The following MAD1L1 variants were observed in gnomAD, a reference collection of about 807,000 sequenced individuals.
The protein encoded by MAD1L1 is mitotic spindle assembly checkpoint protein MAD1.
In MAD1L1, 95 loss-of-function variants were observed where a neutral mutation model predicts 96.9. That is an observed-to-expected ratio of 0.98 (90% CI 0.83 to 1.16). The LOEUF (loss-of-function observed/expected upper bound fraction) is 1.16, where lower values mean the gene tolerates loss of function less well. Among genes scored for constraint, MAD1L1 ranks in the 50% most tolerant of loss-of-function variants. The pLI, the probability that MAD1L1 is intolerant of heterozygous loss-of-function variation, is 0.00. For synonymous variants in MAD1L1, 473 were observed against 396.6 expected (o/e 1.19, Z -2.29); for missense variants, 1,007 against 954.4 (o/e 1.06, Z -0.73).
intron 10 of MAD1L1, among the ~76,000 whole-genome samples, chr7:2,166,896 C>T (rs1031247323): frequency 6.6e-6 from 1 of 152,228 alleles, no homozygotes; most frequent in Non-Finnish European, 1.5e-5. Flanking sequence ...CACCACTACA[C>T]ACCTGGGCGG....
chr7:2,080,516 A>AACCC (rs1463917029), intron 11 of MAD1L1, among the ~76,000 whole-genome samples: 2 of 140,550 alleles, frequency 1.4e-5, no homozygotes, highest in Admixed American at 7.0e-5. Flanking sequence ...CCTCTGACTA[A>AACCC]ACCCACCCAC....
intron 18 of MAD1L1, among the ~76,000 whole-genome samples, chr7:1,822,982 G>A (rs1408805469): frequency 1.3e-5 from 2 of 152,052 alleles, no homozygotes; most frequent in Non-Finnish European, 2.9e-5. Flanking sequence ...CTTTCTAACA[G>A]AGAATATTAT....
At chr7:2,216,663 C>T (rs1400658863) in intron 7 of MAD1L1, among the ~76,000 whole-genome samples, 1 of 152,184 alleles carries the variant, frequency 6.6e-6, no homozygotes, top group Non-Finnish European at 1.5e-5. Flanking sequence ...ACACGTGCTC[C>T]ACTCTACCAG....
Position 2,146,007 on chromosome 7 carries a change from A to G in MAD1L1, c.1073+3145T>C, listed in dbSNP as rs935470717. 3.3e-5 allele frequency among the ~76,000 whole-genome samples: 5 copies of G among 152,204 alleles called. No individual in the cohort carries two copies. Among genetic ancestry groups the G allele is most frequent in the African/African-American group, 1.2e-4 (5 of 41,444 alleles). On this transcript the variant is annotated intron_variant, in intron 11 of 18. Transcript: ENST00000265854. This position sits in a 1 kb window ranked among gnomAD's most constrained non-coding sequence, Gnocchi z 6.2. ...TCTGTTCCGCACATCAGATCAGCAG[A>G]GAAGGAAAGTTACACAACACCCAGG... is the stretch of plus-strand genomic sequence containing the variant.
intron 10 of MAD1L1, among the ~76,000 whole-genome samples, chr7:2,195,491 T>C (rs1421419917): frequency 6.6e-6 from 1 of 152,230 alleles, no homozygotes; most frequent in Non-Finnish European, 1.5e-5. Context: ...AATAGACTCG[T>C]AAATAATTCC....
intron 11 of MAD1L1, among the ~76,000 whole-genome samples, chr7:2,111,674 G>C (rs1787389356): frequency 6.6e-6 from 1 of 152,226 alleles, no homozygotes; most frequent in Non-Finnish European, 1.5e-5. Context: ...GCCAGGTTGG[G>C]GCCAGCAGCC....
intron 12 of MAD1L1, among the ~76,000 whole-genome samples, chr7:2,034,373 C>G (rs888107187): frequency 3.3e-5 from 5 of 152,010 alleles, no homozygotes; most frequent in Admixed American, 2.0e-4. Flanking sequence ...CACACCACCA[C>G]GCCCAGCTAA....
intron 17 of MAD1L1, among the ~76,000 whole-genome samples, chr7:1,904,394 G>A (rs1457178168): frequency 7.2e-6 from 1 of 139,274 alleles, no homozygotes; most frequent in Non-Finnish European, 1.5e-5. Context: ...CATGATTGAT[G>A]AAGCACTGTT....
intron 17 of MAD1L1, among the ~76,000 whole-genome samples, chr7:1,910,273 G>GT (rs1562515346): frequency 6.6e-6 from 1 of 152,154 alleles, no homozygotes; most frequent in East Asian, 1.9e-4. Context: ...ATTGGCCCCC[G>GT]TGTCAGTGAT....
intron 14 of MAD1L1, among the ~76,000 whole-genome samples, chr7:1,982,500 C>T (rs911047103): frequency 3.3e-5 from 5 of 152,354 alleles, no homozygotes; most frequent in Admixed American, 1.3e-4. Flanking sequence ...TGAGCCGCCG[C>T]GCCCAGCCTT....
chr7:1,940,945 C>CCCTCCTCTTCCTCCCCCCGCAGGCCTCAG (rs1778936435), intron 16 of MAD1L1, among the ~76,000 whole-genome samples: 13 of 107,832 alleles, frequency 1.2e-4, no homozygotes, highest in Admixed American at 5.5e-4. Context: ...CCAGGCCTCA[C>CCCTCCTCTTCCTCCCCCCGCAGGCCTCAG]CCTCCTCTTC....
chr7:1,942,123 C>T (rs1779030393), intron 16 of MAD1L1, among the ~76,000 whole-genome samples: 1 of 152,192 alleles, frequency 6.6e-6, no homozygotes, highest in South Asian at 2.1e-4. Context: ...ACCTGTCTGT[C>T]CATCTGACAT....
intron 11 of MAD1L1, among the ~76,000 whole-genome samples, chr7:2,124,741 GC>G (rs1302254129): frequency 1.3e-5 from 2 of 152,186 alleles, no homozygotes; most frequent in Non-Finnish European, 1.5e-5. Flanking sequence ...TCAGGAGACA[GC>G]CATTCCACCT....
intron 12 of MAD1L1, among the ~76,000 whole-genome samples, chr7:2,028,945 T>C (rs4721323): frequency 0.054 from 8,149 of 150,814 alleles, 390 homozygotes; most frequent in African/African-American, 0.13. Context: ...AGTGCCACGG[T>C]CAGTGTGAAG....
At chr7:2,032,936 C>A (rs4719402) in intron 12 of MAD1L1, among the ~76,000 whole-genome samples, 29,079 of 152,218 alleles carry the variant, frequency 0.19, 5,484 homozygotes, top group African/African-American at 0.48. Context: ...GGGGGCAAGG[C>A]GCCCCCGCAG....
At chr7:2,000,622 C>T (rs1781751757) in intron 14 of MAD1L1, among the ~76,000 whole-genome samples, 1 of 152,236 alleles carries the variant, frequency 6.6e-6, no homozygotes, top group South Asian at 2.1e-4. Flanking sequence ...CCTCCATTCG[C>T]CACCACCGGA....
intron 16 of MAD1L1, 136 bp from the exon 17 acceptor site, chr7:1,937,033 C>A (rs927857008): frequency 5.9e-6 from 4 of 682,494 alleles, no homozygotes; most frequent in Non-Finnish European, 9.7e-6. Flanking sequence ...GTTCTTTTGT[C>A]TTCTTGAGCC....
chr7:1,986,891 C>T (rs1025886149), intron 14 of MAD1L1, among the ~76,000 whole-genome samples: 11 of 152,018 alleles, frequency 7.2e-5, no homozygotes, highest in Non-Finnish European at 1.3e-4. Context: ...CCAATGCCTG[C>T]CCCCTTGAGC....
chr7:1,939,042 AGAGG>A (rs1395370721), intron 16 of MAD1L1, among the ~76,000 whole-genome samples: 3 of 80,222 alleles, frequency 3.7e-5, no homozygotes, highest in African/African-American at 2.3e-4. Context: ...GGCTGGGGCC[AGAGG>A]CACACACACA....
Sources: gnomAD v4.1 joint callset for allele counts (sites outside exome capture counted in the v4.1 genomes callset) on GRCh38, gnomAD v4.1.1 for gene constraint, Gnocchi (gnomAD v3.1) non-coding constraint, MANE v1.5 for transcripts, NCBI Gene and HGNC (gene_info 2026-07-23, HGNC 2026-07-21) for gene names.